POC1A: variants seen among roughly 807,000 people sequenced by gnomAD.
The protein encoded by POC1A is POC1 centriolar protein A.
A neutral mutation model predicts 47.8 loss-of-function variants in POC1A; 34 were observed. That is an observed-to-expected ratio of 0.71 (90% CI 0.54 to 0.95). The LOEUF (loss-of-function observed/expected upper bound fraction) is 0.95. POC1A is among the 40% of genes least tolerant of loss of function. The pLI is 0.00. For synonymous variants in POC1A, 177 were observed against 207.6 expected (o/e 0.85, Z 1.27); for missense variants, 466 against 528.3 (o/e 0.88, Z 1.16).
At chr3:52,078,425 A>T (rs1424427432) in intron 10 of POC1A, among the ~76,000 whole-genome samples, 2 of 151,948 alleles carry the variant, frequency 1.3e-5, no homozygotes, top group African/African-American at 4.8e-5. Context: ...CTTAAAAATC[A>T]AATTTTCTTA....
At chr3:52,083,265 C>A (rs1228498469) in intron 10 of POC1A, among the ~76,000 whole-genome samples, 1 of 152,134 alleles carries the variant, frequency 6.6e-6, no homozygotes, top group African/African-American at 2.4e-5. Flanking sequence ...TCTGGACAGG[C>A]ACAGAGGAGG....
Position 52,138,303 on chromosome 3 carries a change from C to T in POC1A, c.680-1G>A, listed in dbSNP as rs764048869. Reference sequence around the variant, plus strand: ...AGCCCGTTCACTGCTGCACTGTGCACTGGGGGAAGGACATCAGTCAGGTGC... The same window carrying T: ...AGCCCGTTCACTGCTGCACTGTGCATTGGGGGAAGGACATCAGTCAGGTGC... On this transcript the variant is annotated splice_acceptor_variant, in intron 6 of 10. Transcript: ENST00000296484. LOFTEE classifies it high-confidence loss of function. 1 of 1,610,370 alleles carries T rather than the reference C, an allele frequency of 6.2e-7. No homozygotes were observed.
At chr3:52,111,774 T>C (rs1263580167) in intron 9 of POC1A, among the ~76,000 whole-genome samples, 1 of 151,798 alleles carries the variant, frequency 6.6e-6, no homozygotes, top group Non-Finnish European at 1.5e-5. Flanking sequence ...CCCATCTGCT[T>C]CCCTAAAGTC....
intron 7 of POC1A, among the ~76,000 whole-genome samples, chr3:52,132,036 C>A (rs1473011241): frequency 4.6e-5 from 7 of 152,182 alleles, no homozygotes; most frequent in Non-Finnish European, 1.0e-4. Flanking sequence ...CCTAAAACGG[C>A]ATGACATCAT....
intron 9 of POC1A, among the ~76,000 whole-genome samples, chr3:52,107,713 T>C (rs548281272): frequency 2.0e-5 from 3 of 152,246 alleles, no homozygotes; most frequent in Non-Finnish European, 2.9e-5. Flanking sequence ...TAGATTTCTT[T>C]TATATTAAAC....
chr3:52,114,359 T>A (rs757440791), intron 9 of POC1A, among the ~76,000 whole-genome samples: 3 of 152,104 alleles, frequency 2.0e-5, no homozygotes, highest in Non-Finnish European at 4.4e-5. Context: ...AACAACAGGG[T>A]CTGCAGGGGG....
At chr3:52,103,823 T>TA (rs112694879) in intron 9 of POC1A, among the ~76,000 whole-genome samples, 2,493 of 147,986 alleles carry the variant, frequency 0.017, 60 homozygotes, top group African/African-American at 0.054. Context: ...AGCCTAAAGG[T>TA]AAAAAAAAAA....
intron 9 of POC1A, among the ~76,000 whole-genome samples, chr3:52,100,605 T>C (rs1203077057): frequency 2.0e-5 from 3 of 152,088 alleles, no homozygotes; most frequent in African/African-American, 7.2e-5. Context: ...CCAAATACCA[T>C]ACGAGTGGGT....
At chr3:52,112,633 C>A (rs945148747) in intron 9 of POC1A, among the ~76,000 whole-genome samples, 1 of 152,150 alleles carries the variant, frequency 6.6e-6, no homozygotes, top group Non-Finnish European at 1.5e-5. Flanking sequence ...CAGAGCAAGA[C>A]ACTGTCTCAA....
chr3:52,114,445 A>G (rs1438887545), intron 9 of POC1A, among the ~76,000 whole-genome samples: 1 of 152,242 alleles, frequency 6.6e-6, no homozygotes, highest in Non-Finnish European at 1.5e-5. Flanking sequence ...ACCCTGAAGC[A>G]GCACTGACAG....
chr3:52,095,123 A>G (rs1455323244), intron 10 of POC1A, among the ~76,000 whole-genome samples: 2 of 152,088 alleles, frequency 1.3e-5, no homozygotes, highest in East Asian at 1.9e-4. Flanking sequence ...CTAATCTCTC[A>G]CTTGGCGAGG....
Position 52,147,098 on chromosome 3 carries a change from G to A in POC1A, c.456-3C>T. The A allele has an allele frequency of 6.2e-7, 1 of 1,610,818 alleles. No individual in the cohort carries two copies. Among genetic ancestry groups the A allele is most frequent in the Non-Finnish European group, 8.5e-7 (1 of 1,177,142 alleles). On this transcript the variant is annotated splice_region_variant and splice_polypyrimidine_tract_variant and intron_variant, in intron 4 of 10. Transcript: ENST00000296484. Reference sequence around the variant, plus strand: ...TGAGCCGCCCGTCGGGGGAGAACCTGAACCGGGTGGGGCACAAGTCACATC... The same window carrying A: ...TGAGCCGCCCGTCGGGGGAGAACCTAAACCGGGTGGGGCACAAGTCACATC...
chr3:52,088,831 T>TG (rs943724024), intron 10 of POC1A, among the ~76,000 whole-genome samples: 1 of 151,232 alleles, frequency 6.6e-6, no homozygotes, highest in East Asian at 1.9e-4. Context: ...TCCCAGCCTC[T>TG]GCTCTCCACC....
At chr3:52,146,844 C>A in intron 5 of POC1A, 144 bp downstream of exon 5, 1 of 677,442 alleles carries the variant, frequency 1.5e-6, no homozygotes, top group South Asian at 1.7e-5. Context: ...CCAGACCTCG[C>A]AAAAAGCACC....
intron 2 of POC1A, 95 bp downstream of exon 2, chr3:52,150,921 C>T (rs1323091183): frequency 1.8e-6 from 2 of 1,109,008 alleles, no homozygotes; most frequent in Non-Finnish European, 2.7e-6. Context: ...GCTGTGCAGT[C>T]CTTGTGCTCT....
chr3:52,079,284 A>G lies in POC1A; in HGVS notation c.1126-3299T>C, dbSNP rs1378401654. 6.6e-6 allele frequency among the ~76,000 whole-genome samples: 1 copy of G among 152,110 alleles called. No homozygotes were observed. The highest frequency in any genetic ancestry group is 2.4e-5 in the African/African-American group (1 of 41,412). On this transcript the variant is annotated intron_variant, in intron 10 of 10. Coordinates refer to ENST00000296484, the MANE Select transcript of POC1A (RefSeq NM_015426.5). This position sits in a 1 kb window ranked among gnomAD's most constrained non-coding sequence, Gnocchi z 4.6. ...TTTCCACCTGCTGCCTAGTGGCCCA[A>G]CTCCCAGCGGGGCCCAGCCAAGCAG...
intron 7 of POC1A, among the ~76,000 whole-genome samples, chr3:52,134,375 T>TA (rs1704354777): frequency 6.6e-6 from 1 of 152,374 alleles, no homozygotes; most frequent in East Asian, 1.9e-4. Context: ...CTCAGGCCTC[T>TA]AATTCCAGCA....
chr3:52,143,436 A>T (rs1698263419), intron 6 of POC1A, among the ~76,000 whole-genome samples: 1 of 151,056 alleles, frequency 6.6e-6, no homozygotes, highest in Non-Finnish European at 1.5e-5. Flanking sequence ...TCTTCACAAG[A>T]CCCCACTCTC....
At chr3:52,141,098 T>TC (rs1698178337) in intron 6 of POC1A, among the ~76,000 whole-genome samples, 1 of 152,172 alleles carries the variant, frequency 6.6e-6, no homozygotes, top group Non-Finnish European at 1.5e-5. Context: ...AGGTCAAAGA[T>TC]ACACCAACAT....
Sources: gnomAD v4.1 joint callset for allele counts (sites outside exome capture counted in the v4.1 genomes callset) on GRCh38, gnomAD v4.1.1 for gene constraint, Gnocchi (gnomAD v3.1) non-coding constraint, MANE v1.5 for transcripts, NCBI Gene and HGNC (gene_info 2026-07-23, HGNC 2026-07-21) for gene names.